MICOS10: variants seen among roughly 807,000 people sequenced by gnomAD.
The protein encoded by MICOS10 is mitochondrial contact site and cristae organizing system subunit 10.
MICOS10 carries 5 observed loss-of-function variants against 13.4 expected under a neutral mutation model. The ratio of observed to expected loss-of-function variants is 0.37; its 90% CI spans 0.20 to 0.78. MICOS10 has a LOEUF of 0.78. Among genes scored for constraint, MICOS10 ranks in the 30% least tolerant of loss-of-function variants. The pLI, the probability that MICOS10 is intolerant of heterozygous loss-of-function variation, is 0.47. For missense variants in MICOS10, 101 were observed against 94.6 expected (o/e 1.07, Z -0.28); for synonymous variants, 35 against 33.6 (o/e 1.04, Z -0.15).
intron 1 of MICOS10, chr1:19,608,277 G>C (rs752465901): frequency 7.4e-7 from 1 of 1,346,906 alleles, no homozygotes; most frequent in East Asian, 2.3e-5. Context: ...ACCATCTGCC[G>C]TGTGACTGGT....
intron 1 of MICOS10, chr1:19,608,492 G>T: frequency 8.3e-7 from 1 of 1,210,424 alleles, no homozygotes. Context: ...TATGAAGATC[G>T]GGAGGATTGA....
At chr1:19,608,443 TG>T in intron 1 of MICOS10, 3 of 1,288,620 alleles carry the variant, frequency 2.3e-6, no homozygotes, top group Non-Finnish European at 3.4e-6. Context: ...CCCTTGGACC[TG>T]GGGCCCAGTC....
chr1:19,601,544 T>G (rs1270583235), intron 1 of MICOS10, among the ~76,000 whole-genome samples: 1 of 139,316 alleles, frequency 7.2e-6, no homozygotes, highest in Non-Finnish European at 1.5e-5. Context: ...ACCACTGCAC[T>G]CCAGCCCAGA....
chr1:19,625,647 A>T, intron 3 of MICOS10: 1 of 1,283,578 alleles, frequency 7.8e-7, no homozygotes, highest in Non-Finnish European at 1.0e-6. Context: ...TTTGCTTAAA[A>T]CATTTCCATT....
At chr1:19,619,714 A>T in intron 1 of MICOS10, among the ~76,000 whole-genome samples, 1 of 152,180 alleles carries the variant, frequency 6.6e-6, no homozygotes, top group Admixed American at 6.5e-5. Flanking sequence ...AGCCGGTTTT[A>T]TGATGTTCTG....
At position 19,627,302 on chromosome 1, in the gene MICOS10, T is replaced by C. The variant is rs752230293; in HGVS notation, c.*901T>C. 14 of 152,348 alleles carry C rather than the reference T, an allele frequency of 9.2e-5. No homozygotes were observed. Among genetic ancestry groups the C allele is most frequent in the Non-Finnish European group, 1.9e-4 (13 of 68,040 alleles). The allele number at this position is 152,348 out of a possible 1,614,324, so 9.4% of individuals were successfully genotyped here. ...AGCGCTCAGCCGTTCTTATTTCTTT[T>C]TCCTTATCGTAGAATTAAGATAGGG... On this transcript the variant is annotated 3_prime_UTR_variant, in exon 4 of 4. Transcript: ENST00000322753.
Position 19,628,058 on chromosome 1 carries a change from T to G in MICOS10, c.*1657T>G, listed in dbSNP as rs1429651927. ...AATAATGTGCAGCCTGTTTCATCCC[T>G]TCCACTTGTTTTCTTACTATTTATT... is the stretch of plus-strand genomic sequence containing the variant. On this transcript the variant is annotated 3_prime_UTR_variant, in exon 4 of 4. Transcript: ENST00000322753. 6.6e-6 allele frequency: 1 copy of G among 150,626 alleles called. No homozygotes were observed. The highest frequency in any genetic ancestry group is 1.5e-5 in the Non-Finnish European group (1 of 68,028). The allele number at this position is 150,626 out of a possible 1,614,324, so 9.3% of individuals were successfully genotyped here.
chr1:19,617,281 C>G (rs1304886626), intron 1 of MICOS10: 1 of 985,168 alleles, frequency 1.0e-6, no homozygotes, highest in African/African-American at 1.7e-5. Flanking sequence ...GATGTCCACC[C>G]GAGAAATCCC....
chr1:19,599,762 G>C (rs1035346878), intron 1 of MICOS10, among the ~76,000 whole-genome samples: 1 of 152,200 alleles, frequency 6.6e-6, no homozygotes, highest in African/African-American at 2.4e-5. Context: ...TTAGAACCCA[G>C]GCATCCTAAT....
intron 1 of MICOS10, among the ~76,000 whole-genome samples, chr1:19,606,488 G>A (rs1205721163): frequency 6.6e-6 from 1 of 152,196 alleles, no homozygotes; most frequent in African/African-American, 2.4e-5. Flanking sequence ...GCTCACACCT[G>A]TAATCCCAGC....
intron 3 of MICOS10, 59 bp downstream of exon 3, chr1:19,623,642 T>G: frequency 1.6e-6 from 2 of 1,229,240 alleles, no homozygotes; most frequent in Admixed American, 3.6e-5. Flanking sequence ...TCCTGAGCCC[T>G]GAAGAATTCT....
At chr1:19,620,749 C>G (rs2094900340) in intron 1 of MICOS10, among the ~76,000 whole-genome samples, 1 of 152,322 alleles carries the variant, frequency 6.6e-6, no homozygotes, top group Admixed American at 6.5e-5. Context: ...GGAAGCATTG[C>G]TCATCTTTTT....
intron 1 of MICOS10, among the ~76,000 whole-genome samples, chr1:19,609,177 T>G (rs2094848567): frequency 6.6e-6 from 1 of 151,896 alleles, no homozygotes; most frequent in Non-Finnish European, 1.5e-5. Flanking sequence ...AAAAAAAATT[T>G]TTTTTTTAAT....
chr1:19,597,219 C>A, intron 1 of MICOS10, 110 bp downstream of exon 1: 1 of 1,195,896 alleles, frequency 8.4e-7, no homozygotes, highest in Non-Finnish European at 1.2e-6. Context: ...GGCCTCTCGG[C>A]CTTTTCCGGC....
At chr1:19,614,140 A>T (rs955650062) in intron 1 of MICOS10, among the ~76,000 whole-genome samples, 3 of 151,958 alleles carry the variant, frequency 2.0e-5, no homozygotes, top group African/African-American at 7.3e-5. Flanking sequence ...TGGTGGCGTG[A>T]TGTCAGCTCA....
chr1:19,623,656 G>T, intron 3 of MICOS10, 73 bp downstream of exon 3: 1 of 1,086,416 alleles, frequency 9.2e-7, no homozygotes, highest in South Asian at 1.3e-5. Context: ...GAATTCTTTA[G>T]ACTGTTTGTA....
chr1:19,617,417 A>T (rs928530859), intron 1 of MICOS10: 1 of 524,098 alleles, frequency 1.9e-6, no homozygotes, highest in East Asian at 1.5e-4. Context: ...GAAGCTGATT[A>T]ATACAGACTA....
Position 19,622,137 on chromosome 1 carries a change from C to G in MICOS10, c.102C>G (p.Thr34=). The change falls in exon 2 of 4, where the codon ACC becomes ACG. Residue 34 remains threonine (T), a synonymous_variant. Coordinates refer to ENST00000322753, the MANE Select transcript of MICOS10 (RefSeq NM_001032363.4). Reference sequence around the variant, plus strand: ...GATTAGGAATTGTTTTCTCACTTACCTTCTTTAAAAGTAAGTGTCACTCTG... The same window carrying G: ...GATTAGGAATTGTTTTCTCACTTACGTTCTTTAAAAGTAAGTGTCACTCTG... ...GFGLGIVFSL[T]FFKRRMWPLA... The G allele has an allele frequency of 6.2e-7, 1 of 1,610,780 alleles. No individual in the cohort carries two copies. The highest frequency in any genetic ancestry group is 8.5e-7 in the Non-Finnish European group (1 of 1,177,776).
chr1:19,625,276 A>G (rs2094917946), intron 3 of MICOS10: 12 of 1,070,608 alleles, frequency 1.1e-5, no homozygotes, highest in Non-Finnish European at 1.2e-5. Flanking sequence ...AACAACAAGT[A>G]GAGTGGAAAA....
Sources: allele counts gnomAD v4.1 joint callset (sites outside exome capture counted in the v4.1 genomes callset), GRCh38; gene constraint gnomAD v4.1.1; transcripts MANE v1.5; gene names NCBI Gene and HGNC (gene_info 2026-07-23, HGNC 2026-07-21).